HSF5: variants seen among roughly 807,000 people sequenced by gnomAD.
The protein encoded by HSF5 is heat shock factor protein 5.
HSF5 carries 5 observed loss-of-function variants against 50.8 expected under a neutral mutation model. That is an observed-to-expected ratio of 0.10 (90% CI 0.05 to 0.21). The LOEUF is 0.21. HSF5 is among the 10% of genes least tolerant of loss of function. The pLI is 1.00. For synonymous variants in HSF5, 307 were observed against 307.4 expected (o/e 1.00, Z 0.02); for missense variants, 564 against 762.6 (o/e 0.74, Z 3.07).
intron 2 of HSF5, 47 bp from the exon 3 acceptor site, chr17:58,467,026 C>G (rs1252470101): frequency 8.0e-7 from 1 of 1,242,356 alleles, no homozygotes; most frequent in East Asian, 2.3e-5. Context: ...CAATACATTT[C>G]TATAGCATTC....
intron 5 of HSF5, among the ~76,000 whole-genome samples, chr17:58,438,564 T>C (rs764092158): frequency 2.6e-5 from 4 of 152,080 alleles, no homozygotes; most frequent in Non-Finnish European, 4.4e-5. Flanking sequence ...TGTGACACCA[T>C]GGAAGTCAGA....
At chr17:58,434,166 A>G (rs1391802156) in intron 5 of HSF5, among the ~76,000 whole-genome samples, 1 of 151,394 alleles carries the variant, frequency 6.6e-6, no homozygotes, top group African/African-American at 2.4e-5. Flanking sequence ...ACCCGCCTCA[A>G]CCTCCCAAAG....
In HSF5 at chr17:58,441,015, CAGAT is replaced by C. The variant is rs533309141; in HGVS notation, c.1720+17749_1720+17752del. ...CATAATCAACACTTAATCTAATTGA[CAGAT>C]AGAACACTACATTTAACAACTGCAG... On this transcript the variant is annotated intron_variant, in intron 5 of 5. Coordinates refer to ENST00000323777, the MANE Select transcript of HSF5 (RefSeq NM_001080439.3). Among the ~76,000 whole-genome samples the C allele has an allele frequency of 7.2e-3, 1,090 of 152,252 alleles. 7 individuals are homozygous for C. The highest frequency in any genetic ancestry group is 0.012 in the Admixed American group (188 of 15,292).
In HSF5 at chr17:58,479,965, T is replaced by C. The variant is rs1482948455; in HGVS notation, c.853A>G (p.Met285Val). 3.7e-6 allele frequency: 6 copies of C among 1,613,972 alleles called. No individual in the cohort carries two copies. The East Asian group carries it at 6.7e-5, about 18-fold the overall frequency. The change falls in exon 2 of 6, where the codon ATG (methionine) becomes GTG (valine). Residue 285 changes from methionine to valine, a missense_variant. By Grantham distance (21) the Met-to-Val change is conservative (BLOSUM62 1). Transcript: ENST00000323777. ...SVHVQQGPQT[M>V]VSSSQKYSNY... ...CTGTATTTTTGGGAGGAGCTGACCA[T>C]TGTTTGAGGACCTTGTTGAACATGT...
chr17:58,476,599 T>C (rs1975014920), intron 2 of HSF5: 1 of 1,529,548 alleles, frequency 6.5e-7, no homozygotes, highest in African/African-American at 1.4e-5. Flanking sequence ...TGATTTAATA[T>C]CTTCGAATTC....
intron 2 of HSF5, among the ~76,000 whole-genome samples, chr17:58,472,156 C>A (rs1283525297): frequency 6.6e-6 from 1 of 152,114 alleles, no homozygotes; most frequent in Non-Finnish European, 1.5e-5. Context: ...TGTGCCCAGC[C>A]TTCTAGGACC....
chr17:58,433,910 G>GTTTTTTTTTTT (rs1974393419), intron 5 of HSF5, among the ~76,000 whole-genome samples: 1 of 55,280 alleles, frequency 1.8e-5, no homozygotes, highest in African/African-American at 8.9e-5. Context: ...AGGTCAAAGG[G>GTTTTTTTTTTT]ATTTTTTTTT....
At chr17:58,480,504 T>C (rs1021755595) in intron 1 of HSF5, among the ~76,000 whole-genome samples, 1 of 152,150 alleles carries the variant, frequency 6.6e-6, no homozygotes, top group Non-Finnish European at 1.5e-5. Flanking sequence ...AGTGCCCAAA[T>C]TCTAACATTA....
chr17:58,443,404 C>T lies in HSF5; in HGVS notation c.1720+15364G>A, dbSNP rs1217656366. 2.0e-5 allele frequency among the ~76,000 whole-genome samples: 3 copies of T among 151,966 alleles called. No homozygotes were observed. In the East Asian group the frequency reaches 5.8e-4, roughly 29 times the overall value. The stretch of plus-strand genomic sequence containing the variant: ...TCATTTTTTTTAAAGGAGAAACATC[C>T]AATTTCTACCTACCAACGCTCTTCA... On this transcript the variant is annotated intron_variant, in intron 5 of 5. Transcript: ENST00000323777.
chr17:58,480,152 A>C lies in HSF5; in HGVS notation c.666T>G (p.Asp222Glu). ...ATATTCTATGAGGAACTGGGGTCCG[A>C]TCTAAACCTTTCAGAGGGTAAGTAC... ...DHSTYPLKGLDRTPVPHRIWQ... is the reference protein window; with the variant it reads ...DHSTYPLKGLERTPVPHRIWQ... Residue 222 changes from aspartate (D) to glutamate (E), a missense_variant, in exon 2 of 6, where the codon GAT becomes GAG. By Grantham distance (45) the Asp-to-Glu change is conservative. This residue lies in a region of HSF5 where 441 missense variants were observed against 533.6 expected (regional missense o/e 0.83). Transcript: ENST00000323777. The C allele has an allele frequency of 6.2e-7, 1 of 1,614,208 alleles. No individual in the cohort carries two copies.
chr17:58,487,856 G>A lies in HSF5; in HGVS notation c.419C>T (p.Ala140Val). ...LTSANKAKLA[A>V]GLEVPCRPPN... ...CGGGCGGCAGGGCACCTCCAGGCCGGCCGCCAGCTTGGCCTTGTTGGCGCT... is the reference window on the plus strand; with the variant it reads ...CGGGCGGCAGGGCACCTCCAGGCCGACCGCCAGCTTGGCCTTGTTGGCGCT... Residue 140 changes from alanine to valine, a missense_variant, in exon 1 of 6, where the codon GCC becomes GTC. By Grantham distance (64) the Ala-to-Val change is moderately conservative (BLOSUM62 0). Coordinates refer to ENST00000323777, the MANE Select transcript of HSF5 (RefSeq NM_001080439.3). 1 of 1,596,774 alleles carries A rather than the reference G, an allele frequency of 6.3e-7. No individual in the cohort carries two copies. The highest frequency in any genetic ancestry group is 2.3e-5 in the East Asian group (1 of 43,998).
intron 5 of HSF5, among the ~76,000 whole-genome samples, chr17:58,450,676 C>G (rs1428004272): frequency 6.7e-6 from 1 of 149,606 alleles, no homozygotes; most frequent in Non-Finnish European, 1.5e-5. Context: ...TCACTTGAAC[C>G]TGGAAGGCAG....
chr17:58,478,967 A>AT (rs1975063486), intron 2 of HSF5, among the ~76,000 whole-genome samples: 1 of 151,814 alleles, frequency 6.6e-6, no homozygotes, highest in South Asian at 2.1e-4. Context: ...AGCGTTCCCA[A>AT]TTAGTGGCTT....
chr17:58,445,451 GTTCACAGTGGCACTA>G, intron 5 of HSF5, among the ~76,000 whole-genome samples: 1 of 152,288 alleles, frequency 6.6e-6, no homozygotes, highest in South Asian at 2.1e-4. Context: ...CCACCCCCAA[GTTCACAGTGGCACTA>G]TTCACAATAG....
intron 5 of HSF5, among the ~76,000 whole-genome samples, chr17:58,453,599 A>AAACAAC (rs71143249): frequency 0.14 from 21,409 of 150,594 alleles, 1,819 homozygotes; most frequent in Non-Finnish European, 0.2. Context: ...ACTCCATCTC[A>AAACAAC]AACAACAACA....
At chr17:58,474,000 C>T (rs1233626087) in intron 2 of HSF5, among the ~76,000 whole-genome samples, 1 of 152,114 alleles carries the variant, frequency 6.6e-6, no homozygotes, top group Non-Finnish European at 1.5e-5. Flanking sequence ...GCTGCCACCA[C>T]ACCCAGCTAA....
At chr17:58,452,504 G>A (rs1227795561) in intron 5 of HSF5, among the ~76,000 whole-genome samples, 1 of 152,162 alleles carries the variant, frequency 6.6e-6, no homozygotes, top group East Asian at 1.9e-4. Flanking sequence ...TAATATCAAA[G>A]CAGTAATAAA....
chr17:58,429,797 G>C (rs1974340250), intron 5 of HSF5, among the ~76,000 whole-genome samples: 1 of 143,710 alleles, frequency 7.0e-6, no homozygotes, highest in Non-Finnish European at 1.5e-5. Context: ...AGTGAGCCAA[G>C]ATCACACCAC....
chr17:58,443,629 T>G (rs900686861), intron 5 of HSF5, among the ~76,000 whole-genome samples: 1 of 152,240 alleles, frequency 6.6e-6, no homozygotes, highest in Admixed American at 6.5e-5. Flanking sequence ...TAAATCATAA[T>G]CAGAGGTATC....
Sources: gnomAD v4.1 joint callset for allele counts (sites outside exome capture counted in the v4.1 genomes callset) on GRCh38, gnomAD v4.1.1 for gene constraint, gnomAD v4.1.1 regional missense constraint, MANE v1.5 for transcripts, NCBI Gene and HGNC (gene_info 2026-07-23, HGNC 2026-07-21) for gene names.